The following TTN variants were observed in gnomAD, a reference collection of about 807,000 sequenced individuals.
The protein encoded by TTN is connectin.
TTN carries 1,525 observed loss-of-function variants against 3,223.0 expected under a neutral mutation model. The observed-to-expected ratio is 0.47, with a 90% CI of 0.45 to 0.49. TTN has a LOEUF of 0.49. TTN is among the 20% of genes least tolerant of loss of function. The probability of loss-of-function intolerance (pLI) is 0.00; values close to 1 mark genes in which losing one functional copy is unlikely to be tolerated. For synonymous variants in TTN, 14,094 were observed against 15,161.0 expected (o/e 0.93, Z 5.17); for missense variants, 40,786 against 43,424.0 (o/e 0.94, Z 5.40).
At position 178,584,747 on chromosome 2, in the gene TTN, A is replaced by C; in HGVS notation, c.64894T>G (p.Phe21632Val). The change falls in exon 310 of 363, where the codon TTC becomes GTC. Residue 21632 changes from phenylalanine (F) to valine (V), a missense_variant. Phe to Val is a conservative substitution (Grantham distance 50). Coordinates refer to ENST00000589042, the MANE Select transcript of TTN (RefSeq NM_001267550.2). ...GKLIPGQEYI[F>V]RVRAENRFGI... ...AATCGGTTTTCAGCACGGACCCGGA[A>C]GATGTACTCCTGGCCTGGGATCAGC... The C allele has an allele frequency of 6.2e-7, 1 of 1,613,516 alleles. No homozygotes were observed. Among genetic ancestry groups the C allele is most frequent in the South Asian group, 1.1e-5 (1 of 91,060 alleles).
rs1216349904 is a variant in TTN, at chr2:178,756,313, A to G, written c.11163T>C (p.Asn3721=). 1.2e-6 allele frequency: 2 copies of G among 1,613,808 alleles called. No homozygotes were observed. Among genetic ancestry groups the G allele is most frequent in the African/African-American group, 2.7e-5 (2 of 74,938 alleles). Residue 3721 remains asparagine, a synonymous_variant, in exon 46 of 363, where the codon AAT becomes AAC. Transcript: ENST00000589042. ...ATAGTCCTTGGTCTACCAGCTGAAC[A>G]TTACATATGGTAAGAAACTGAATAT... The part of the protein sequence containing the change: ...NGNIQFLTIC[N]VQLVDQGLYS...
At position 178,718,330 on chromosome 2, in the gene TTN, G is replaced by A; in HGVS notation, c.24776C>T (p.Ser8259Phe). Residue 8259 changes from serine (S) to phenylalanine (F), a missense_variant, in exon 85 of 363, where the codon TCT becomes TTT. Ser to Phe is a radical substitution (Grantham distance 155, BLOSUM62 -2). Transcript: ENST00000589042. ...GGTAGCTGTCAACACACCTAAGACA[G>A]ACACCAGAGCTTCACAGATATCTTG... ...AGQDICEALVSVLEPPYFIEP... is the reference protein window; with the variant it reads ...AGQDICEALVFVLEPPYFIEP... The A allele has an allele frequency of 6.2e-7, 1 of 1,613,038 alleles. No individual in the cohort carries two copies. Among genetic ancestry groups the A allele is most frequent in the Non-Finnish European group, 8.5e-7 (1 of 1,179,266 alleles).
Position 178,624,679 on chromosome 2 carries a change from T to A in TTN, c.44601A>T (p.Gly14867=). Residue 14867 remains glycine, a synonymous_variant, in exon 242 of 363, where the codon GGA becomes GGT. Transcript: ENST00000589042. ...CTTCACACTCCAGCACTGCAGTGGC[T>A]CCCTCTTCGACCGTCTGGTCCTCAA... ...KPLEDQTVEE[G]ATAVLECEVS... is the part of the protein sequence containing the mutation. 6.2e-7 allele frequency: 1 copy of A among 1,612,464 alleles called. No individual in the cohort carries two copies. Among genetic ancestry groups the A allele is most frequent in the Non-Finnish European group, 8.5e-7 (1 of 1,179,040 alleles).
intron 307 of TTN, 52 bp from the exon 308 acceptor site, chr2:178,586,859 C>A (rs2049101832): frequency 1.3e-6 from 2 of 1,583,980 alleles, no homozygotes; most frequent in Non-Finnish European, 8.6e-7. Context: ...AATCAAATCC[C>A]CTTTGTTAAT....
Position 178,616,990 on chromosome 2 carries a change from C to G in TTN, c.47899G>C (p.Ala15967Pro), listed in dbSNP as rs1234227825. The G allele has an allele frequency of 1.2e-6, 2 of 1,612,412 alleles. No homozygotes were observed. The highest frequency in any genetic ancestry group is 1.7e-6 in the Non-Finnish European group (2 of 1,179,060). Reference sequence around the variant, plus strand: ...ATAACTTCCAGACCATCTTTAAATGCACTTAAATCCATTGTTGGTTCAACT... The same window carrying G: ...ATAACTTCCAGACCATCTTTAAATGGACTTAAATCCATTGTTGGTTCAACT... ...AFVEPTMDLSAFKDGLEVIVP... is the reference protein window; with the variant it reads ...AFVEPTMDLSPFKDGLEVIVP... The change falls in exon 256 of 363, where the codon GCA becomes CCA. Residue 15967 changes from alanine (A) to proline (P), a missense_variant. Coordinates refer to ENST00000589042, the MANE Select transcript of TTN (RefSeq NM_001267550.2).
chr2:178,793,597 G>C, intron 8 of TTN, 56 bp from the exon 9 acceptor site: 1 of 1,606,854 alleles, frequency 6.2e-7, no homozygotes, highest in Non-Finnish European at 8.5e-7. Flanking sequence ...ATAAAAATTA[G>C]TTCAAGACCA....
chr2:178,632,404 A>G lies in TTN; in HGVS notation c.43490T>C (p.Leu14497Pro). The change falls in exon 236 of 363, where the codon CTC becomes CCC. Residue 14497 changes from leucine (L) to proline (P), a missense_variant. Transcript: ENST00000589042. Reference sequence around the variant, plus strand: ...ATCTTTGAGAGGGGTGAGGAATTTGAGCCGGATTCCTATCAAGAAAAAAAA... The same window carrying G: ...ATCTTTGAGAGGGGTGAGGAATTTGGGCCGGATTCCTATCAAGAAAAAAAA... The part of the protein sequence containing the change: ...SGKLIIEGIR[L>P]KFLTPLKDVT... 6.3e-7 allele frequency: 1 copy of G among 1,583,988 alleles called. No homozygotes were observed. The highest frequency in any genetic ancestry group is 2.3e-5 in the East Asian group (1 of 44,200).
intron 326 of TTN, 33 bp downstream of exon 326, chr2:178,559,278 G>A (rs756782061): frequency 7.2e-6 from 11 of 1,519,986 alleles, no homozygotes; most frequent in Non-Finnish European, 9.7e-6. Flanking sequence ...AATTAACGTG[G>A]ATATGTAGAA....
intron 159 of TTN, 51 bp from the exon 160 acceptor site, chr2:178,667,772 G>T (rs192968882): frequency 2.0e-4 from 262 of 1,311,372 alleles, no homozygotes; most frequent in Non-Finnish European, 2.5e-4. Context: ...GGTGGATAAA[G>T]AAGTGTATTA....
At chr2:178,621,453 T>C (rs764924023) in intron 245 of TTN, 22 bp downstream of exon 245, 1 of 1,583,628 alleles carries the variant, frequency 6.3e-7, no homozygotes, top group Non-Finnish European at 8.6e-7. Context: ...AAATAAAAGA[T>C]TATTCACTGT....
At position 178,564,407 on chromosome 2, in the gene TTN, T is replaced by A. The variant is rs1210575101; in HGVS notation, c.81725A>T (p.Glu27242Val). The change falls in exon 326 of 363, where the codon GAA becomes GTA. Residue 27242 changes from glutamate (E) to valine (V), a missense_variant. Coordinates refer to ENST00000589042, the MANE Select transcript of TTN (RefSeq NM_001267550.2). ...VSGLVEDQRY[E>V]FRVIARNAAG... ...TGCATTTCTTGCAATTACTCTAAAT[T>A]CATATCTTTGGTCTTCTACAAGTCC... The A allele has an allele frequency of 6.2e-7, 1 of 1,613,474 alleles. No homozygotes were observed. The highest frequency in any genetic ancestry group is 1.1e-5 in the South Asian group (1 of 91,072).
intron 43 of TTN, among the ~76,000 whole-genome samples, chr2:178,763,485 C>G (rs2089736708): frequency 6.6e-6 from 1 of 152,160 alleles, no homozygotes. Context: ...TCTGGGGCAA[C>G]CATCCACTCT....
intron 88 of TTN, among the ~76,000 whole-genome samples, chr2:178,716,501 A>C (rs1233427921): frequency 6.6e-6 from 1 of 152,212 alleles, no homozygotes; most frequent in Non-Finnish European, 1.5e-5. Flanking sequence ...CTAGCAGTCC[A>C]TTGAGTGAAC....
In TTN at chr2:178,562,474, T is replaced by C; in HGVS notation, c.83658A>G (p.Lys27886=). Residue 27886 remains lysine (K), a synonymous_variant, in exon 326 of 363, where the codon AAA becomes AAG. Coordinates refer to ENST00000589042, the MANE Select transcript of TTN (RefSeq NM_001267550.2). ...TRNTATIKWE[K]PESDGGSKIT... Reference sequence around the variant, plus strand: ...TTTTGCTGCCACCATCACTTTCTGGTTTCTCCCACTTAATTGTAGCTGTAT... The same window carrying C: ...TTTTGCTGCCACCATCACTTTCTGGCTTCTCCCACTTAATTGTAGCTGTAT... 6.2e-7 allele frequency: 1 copy of C among 1,613,342 alleles called. No individual in the cohort carries two copies. Among genetic ancestry groups the C allele is most frequent in the Non-Finnish European group, 8.5e-7 (1 of 1,179,610 alleles).
Position 178,768,046 on chromosome 2 carries a change from C to T in TTN, c.9273G>A (p.Met3091Ile). The change falls in exon 39 of 363, where the codon ATG becomes ATA. Residue 3091 changes from methionine to isoleucine, a missense_variant. Met to Ile is a conservative substitution (Grantham distance 10, BLOSUM62 1). Coordinates refer to ENST00000589042, the MANE Select transcript of TTN (RefSeq NM_001267550.2). ...VSEPDITVQW[M>I]KDDQELQITD... ...TGATCTGCAGTTCCTGGTCATCTTT[C>T]ATCCACTGTACAGTGATGTCAGGTT... is the stretch of plus-strand genomic sequence containing the variant. The T allele has an allele frequency of 1.9e-6, 3 of 1,614,140 alleles. No homozygotes were observed. Among genetic ancestry groups the T allele is most frequent in the Non-Finnish European group, 2.5e-6 (3 of 1,180,006 alleles).
chr2:178,632,007 G>T (rs2059865934), intron 236 of TTN, 140 bp downstream of exon 236: 4 of 866,244 alleles, frequency 4.6e-6, no homozygotes, highest in Non-Finnish European at 6.5e-6. Flanking sequence ...AAATAAGCCT[G>T]ATTACATATG....
Position 178,583,222 on chromosome 2 carries a change from G to A in TTN, c.65581C>T (p.Pro21861Ser). ...ATAGCCACACTCAGGTCTATCCTGG[G>A]AGGGACTGGAAAGAAATAAGATAAA... The part of the protein sequence containing the change: ...PVTILAENVP[P>S]RIDLSVAMKS... Residue 21861 changes from proline to serine, a missense_variant, in exon 313 of 363, where the codon CCC becomes TCC. Physicochemically the swap from Pro to Ser is moderately conservative, Grantham distance 74. Transcript: ENST00000589042. The A allele has an allele frequency of 1.3e-6, 2 of 1,579,068 alleles. No individual in the cohort carries two copies. The highest frequency in any genetic ancestry group is 1.7e-6 in the Non-Finnish European group (2 of 1,161,004).
Position 178,568,246 on chromosome 2 carries a change from T to C in TTN, c.77886A>G (p.Gln25962=), listed in dbSNP as rs1343725808. The C allele has an allele frequency of 1.2e-6, 2 of 1,613,536 alleles. No individual in the cohort carries two copies. The highest frequency in any genetic ancestry group is 1.7e-6 in the Non-Finnish European group (2 of 1,179,598). The change falls in exon 326 of 363, where the codon CAA becomes CAG. Residue 25962 remains glutamine (Q), a synonymous_variant. Coordinates refer to ENST00000589042, the MANE Select transcript of TTN (RefSeq NM_001267550.2). ...VTKLKTGTEY[Q]FRIFAENRYG... ...ATCTGTTTTCGGCAAATATTCTAAA[T>C]TGGTATTCTGTACCAGTTTTCAGTT...
Position 178,591,815 on chromosome 2 carries a change from C to G in TTN, c.60004G>C (p.Asp20002His). The G allele has an allele frequency of 6.2e-7, 1 of 1,613,242 alleles. No homozygotes were observed. The highest frequency in any genetic ancestry group is 8.5e-7 in the Non-Finnish European group (1 of 1,179,566). Residue 20002 changes from aspartate to histidine, a missense_variant, in exon 303 of 363, where the codon GAT (aspartate) becomes CAT (histidine). By Grantham distance (81) the Asp-to-His change is moderately conservative. Transcript: ENST00000589042. ...TEVSLVWNKP[D>H]RDGGSPITGY... Reference sequence around the variant, plus strand: ...GTGATTGGAGAACCACCATCACGATCCGGCTTATTCCAGACTAGGGAGACT... The same window carrying G: ...GTGATTGGAGAACCACCATCACGATGCGGCTTATTCCAGACTAGGGAGACT...
Sources: allele counts gnomAD v4.1 joint callset (sites outside exome capture counted in the v4.1 genomes callset), GRCh38; gene constraint gnomAD v4.1.1; transcripts MANE v1.5; gene names NCBI Gene and HGNC (gene_info 2026-07-23, HGNC 2026-07-21).